RELN: variants seen among roughly 807,000 people sequenced by gnomAD.
RELN encodes the protein reelin.
In RELN, 108 loss-of-function variants were observed where a neutral mutation model predicts 427.6. The observed-to-expected ratio is 0.25, with a 90% CI of 0.22 to 0.30. The LOEUF (loss-of-function observed/expected upper bound fraction) is 0.30. Ranked by LOEUF, RELN falls within the 10% of genes least tolerant of loss-of-function variation. The pLI is 1.00. For missense variants in RELN, 3,715 were observed against 4,302.8 expected (o/e 0.86, Z 3.82); for synonymous variants, 1,524 against 1,513.4 (o/e 1.01, Z -0.16).
At chr7:103,667,478 T>C (rs985388049) in intron 11 of RELN, among the ~76,000 whole-genome samples, 8 of 152,198 alleles carry the variant, frequency 5.3e-5, no homozygotes, top group African/African-American at 1.9e-4. Flanking sequence ...AAAACAATTG[T>C]TAGTTACTGA....
chr7:103,744,563 TAA>T (rs1790763585), intron 6 of RELN, among the ~76,000 whole-genome samples: 1 of 151,836 alleles, frequency 6.6e-6, no homozygotes, highest in Non-Finnish European at 1.5e-5. Flanking sequence ...ATAGATGCAA[TAA>T]AAAACGATAA....
intron 64 of RELN, among the ~76,000 whole-genome samples, chr7:103,475,735 A>T (rs186505577): frequency 6.6e-6 from 1 of 152,176 alleles, no homozygotes; most frequent in Non-Finnish European, 1.5e-5. Flanking sequence ...TTATTTACTT[A>T]TTATGGAGCT....
At position 103,891,758 on chromosome 7, in the gene RELN, T is replaced by C. The variant is rs954962025; in HGVS notation, c.337+25317A>G. Among the ~76,000 whole-genome samples the C allele has an allele frequency of 3.3e-5, 5 of 152,198 alleles. No homozygotes were observed. The South Asian group carries it at 1.0e-3, about 32-fold the overall frequency. ...CATTATTCATTTTTTTCAATAAAAA[T>C]TGTATCACCTATATGACCACATTGA... is the stretch of plus-strand genomic sequence containing the variant. On this transcript the variant is annotated intron_variant, in intron 2 of 64. Transcript: ENST00000428762.
At chr7:103,731,017 G>A (rs559905710) in intron 6 of RELN, among the ~76,000 whole-genome samples, 5 of 152,174 alleles carry the variant, frequency 3.3e-5, no homozygotes, top group East Asian at 1.9e-4. Context: ...AGGAGCTTAC[G>A]TTTCAAATGG....
chr7:103,492,433 C>A (rs1057407173), intron 57 of RELN, among the ~76,000 whole-genome samples: 2 of 152,086 alleles, frequency 1.3e-5, no homozygotes, highest in African/African-American at 4.8e-5. Context: ...TTAAAATCAG[C>A]AATTTTAATT....
chr7:103,488,614 A>G (rs1828530922), intron 60 of RELN, among the ~76,000 whole-genome samples: 1 of 152,262 alleles, frequency 6.6e-6, no homozygotes, highest in African/African-American at 2.4e-5. Context: ...CCAGAATTCA[A>G]AAACATGGAT....
intron 28 of RELN, among the ~76,000 whole-genome samples, chr7:103,576,822 T>C (rs545118968): frequency 1.3e-5 from 2 of 152,332 alleles, no homozygotes; most frequent in Non-Finnish European, 2.9e-5. Flanking sequence ...GGAACACTAG[T>C]GGGCTGGGCT....
intron 3 of RELN, among the ~76,000 whole-genome samples, chr7:103,809,024 C>T (rs1792669663): frequency 6.6e-6 from 1 of 152,082 alleles, no homozygotes; most frequent in African/African-American, 2.4e-5. Flanking sequence ...TCAAAGGGAA[C>T]ACCCCAAACA....
intron 1 of RELN, among the ~76,000 whole-genome samples, chr7:103,957,335 G>A (rs1796453815): frequency 6.6e-6 from 1 of 152,048 alleles, no homozygotes; most frequent in South Asian, 2.1e-4. Flanking sequence ...ATTAGCTCGG[G>A]GATGCAAAAC....
intron 1 of RELN, among the ~76,000 whole-genome samples, chr7:103,986,611 T>A: frequency 8.0e-6 from 1 of 125,258 alleles, no homozygotes; most frequent in Non-Finnish European, 1.6e-5. Context: ...CACCTCTATC[T>A]CAATGCATTC....
chr7:103,849,432 T>A (rs550658636), intron 2 of RELN, among the ~76,000 whole-genome samples: 1 of 152,354 alleles, frequency 6.6e-6, no homozygotes, highest in South Asian at 2.1e-4. Context: ...TTTTGTTTCC[T>A]CAGGGAAATT....
At position 103,626,706 on chromosome 7, in the gene RELN, T is replaced by C. The variant is rs562599322; in HGVS notation, c.2702+3234A>G. 1.3e-5 allele frequency among the ~76,000 whole-genome samples: 2 copies of C among 152,246 alleles called. No individual in the cohort carries two copies. Among genetic ancestry groups the C allele is most frequent in the African/African-American group, 4.8e-5 (2 of 41,564 alleles). On this transcript the variant is annotated intron_variant, in intron 20 of 64. Transcript: ENST00000428762. The surrounding 1 kb of genome is among the most constrained non-coding windows in gnomAD (Gnocchi z 4.4). The stretch of plus-strand genomic sequence containing the variant: ...ACAGCAATTTCCTTCAAACCTGTTG[T>C]ATCTAGCTGGTTTATTAGATGGGGC...
At chr7:103,684,694 T>C (rs538311411) in intron 10 of RELN, among the ~76,000 whole-genome samples, 14 of 152,294 alleles carry the variant, frequency 9.2e-5, no homozygotes, top group African/African-American at 3.4e-4. Context: ...GTTTCTCAGG[T>C]TGTAGAATGG....
At chr7:103,537,754 G>C (rs1306344129) in intron 45 of RELN, among the ~76,000 whole-genome samples, 1 of 152,144 alleles carries the variant, frequency 6.6e-6, no homozygotes, top group Admixed American at 6.5e-5. Context: ...GTTGAGGCTG[G>C]TCTGCTCTCA....
rs908155070 is a variant in RELN, at chr7:103,859,892, T to G, written c.338-26220A>C. Among the ~76,000 whole-genome samples the G allele has an allele frequency of 9.9e-5, 15 of 152,246 alleles. 1 individual carries two copies. Among genetic ancestry groups the G allele is most frequent in the African/African-American group, 3.4e-4 (14 of 41,546 alleles). On this transcript the variant is annotated intron_variant, in intron 2 of 64. Coordinates refer to ENST00000428762, the MANE Select transcript of RELN (RefSeq NM_005045.4). ...GAGATTACACAGATAAAAGAAGATA[T>G]CCAATGTAAGACACCAAGATGACTT...
chr7:103,702,224 C>T (rs1342677975), intron 8 of RELN, among the ~76,000 whole-genome samples: 1 of 152,094 alleles, frequency 6.6e-6, no homozygotes, highest in South Asian at 2.1e-4. Context: ...TCAAACTGTG[C>T]GACTGGAAAT....
rs1221574948 is a variant in RELN, at chr7:103,635,605, T to C, written c.2304-19A>G. 3.7e-6 allele frequency: 6 copies of C among 1,601,744 alleles called. 1 individual carries two copies. In the African/African-American group the frequency reaches 6.7e-5, roughly 18 times the overall value. The stretch of plus-strand genomic sequence containing the variant: ...GAGAAACCTAGACAGAAATTGTCTA[T>C]AATTAGTGTATGCATAAACATTTTT... On this transcript the variant is annotated intron_variant, in intron 18 of 64. Coordinates refer to ENST00000428762, the MANE Select transcript of RELN (RefSeq NM_005045.4).
chr7:103,822,347 G>A (rs796940449), intron 3 of RELN, among the ~76,000 whole-genome samples: 9 of 151,978 alleles, frequency 5.9e-5, no homozygotes, highest in African/African-American at 2.2e-4. Flanking sequence ...ATATTTAGAA[G>A]AGGAATGTAT....
intron 1 of RELN, among the ~76,000 whole-genome samples, chr7:103,933,449 C>T (rs562989434): frequency 2.8e-4 from 33 of 119,982 alleles, no homozygotes; most frequent in Non-Finnish European, 4.3e-4. Flanking sequence ...AATGCCAGCA[C>T]TTTGGGAAGC....
Sources: allele counts gnomAD v4.1 joint callset (sites outside exome capture counted in the v4.1 genomes callset), GRCh38; gene constraint gnomAD v4.1.1; non-coding constraint Gnocchi (gnomAD v3.1); transcripts MANE v1.5; gene names NCBI Gene and HGNC (gene_info 2026-07-23, HGNC 2026-07-21).